The following PTPRR variants were observed in gnomAD, a reference collection of about 807,000 sequenced individuals.
The protein encoded by PTPRR is protein tyrosine phosphatase receptor type R.
A neutral mutation model predicts 77.2 loss-of-function variants in PTPRR; 38 were observed. The observed-to-expected ratio is 0.49, with a 90% confidence interval of 0.38 to 0.65. The LOEUF (loss-of-function observed/expected upper bound fraction) is 0.65. Ranked by LOEUF, PTPRR falls within the 30% of genes least tolerant of loss-of-function variation. The probability of loss-of-function intolerance (pLI) is 0.00; values close to 1 mark genes in which losing one functional copy is unlikely to be tolerated. For missense variants in PTPRR, 744 were observed against 799.2 expected, an observed-to-expected ratio of 0.93 and a Z score of 0.83; for synonymous variants, 299 against 283.1, an observed-to-expected ratio of 1.06 and a Z score of -0.57.
At chr12:70,877,103 G>A (rs924848193) in intron 2 of PTPRR, among the ~76,000 whole-genome samples, 1 of 152,182 alleles carries the variant, frequency 6.6e-6, no homozygotes, top group Non-Finnish European at 1.5e-5. Context: ...TGACGTGCCA[G>A]TTGGCTCAAC....
intron 1 of PTPRR, among the ~76,000 whole-genome samples, chr12:70,916,893 T>G (rs1013433170): frequency 2.0e-4 from 30 of 152,184 alleles, no homozygotes; most frequent in African/African-American, 7.2e-4. Flanking sequence ...ACACAGAAAT[T>G]TGAAAGAACC....
intron 10 of PTPRR, among the ~76,000 whole-genome samples, chr12:70,676,847 T>C (rs1887466682): frequency 6.9e-6 from 1 of 144,558 alleles, no homozygotes; most frequent in African/African-American, 2.7e-5. Context: ...TCAGGTAGTA[T>C]GATGCCTCCA....
intron 2 of PTPRR, among the ~76,000 whole-genome samples, chr12:70,825,844 T>C (rs772064372): frequency 3.3e-5 from 5 of 152,198 alleles, no homozygotes; most frequent in Non-Finnish European, 7.4e-5. Flanking sequence ...AAGCAATGGA[T>C]ATAAAATAAC....
chr12:70,920,209 T>C, intron 1 of PTPRR, 124 bp downstream of exon 1: 1 of 1,016,070 alleles, frequency 9.8e-7, no homozygotes. Context: ...CCCTGTCAGG[T>C]ACTGTCCTGT....
intron 2 of PTPRR, among the ~76,000 whole-genome samples, chr12:70,792,533 T>C (rs918460457): frequency 2.0e-5 from 3 of 152,170 alleles, no homozygotes; most frequent in African/African-American, 7.2e-5. Context: ...ATTTCAAACT[T>C]ATATCTTGCA....
intron 8 of PTPRR, among the ~76,000 whole-genome samples, chr12:70,689,903 G>A (rs539538666): frequency 1.3e-5 from 2 of 152,184 alleles, no homozygotes; most frequent in African/African-American, 4.8e-5. Context: ...CTGAGAACTT[G>A]GTAGGATGCA....
intron 2 of PTPRR, among the ~76,000 whole-genome samples, chr12:70,810,123 C>T (rs1891783658): frequency 6.6e-6 from 1 of 152,190 alleles, no homozygotes; most frequent in Non-Finnish European, 1.5e-5. Flanking sequence ...CTCATTTGGA[C>T]TATTCCCTTA....
chr12:70,838,089 T>C (rs1021182875), intron 2 of PTPRR, among the ~76,000 whole-genome samples: 2 of 152,182 alleles, frequency 1.3e-5, no homozygotes, highest in Non-Finnish European at 2.9e-5. Flanking sequence ...GAGAGAGCTA[T>C]TGACCTGAAA....
chr12:70,877,174 G>C (rs1027039752), intron 2 of PTPRR, among the ~76,000 whole-genome samples: 2 of 152,158 alleles, frequency 1.3e-5, no homozygotes, highest in South Asian at 2.1e-4. Context: ...GTAGGGCTTC[G>C]GTCAGGCCAG....
intron 10 of PTPRR, among the ~76,000 whole-genome samples, chr12:70,666,026 A>G (rs1374767431): frequency 6.6e-6 from 1 of 152,174 alleles, no homozygotes; most frequent in Non-Finnish European, 1.5e-5. Flanking sequence ...CTCCGATGGA[A>G]TATTACTGAC....
At chr12:70,888,241 A>G (rs1300833253) in intron 2 of PTPRR, among the ~76,000 whole-genome samples, 1 of 152,182 alleles carries the variant, frequency 6.6e-6, no homozygotes, top group African/African-American at 2.4e-5. Flanking sequence ...AGTTCTTAGC[A>G]TACTATCAAT....
At position 70,864,089 on chromosome 12, in the gene PTPRR, G is replaced by C. The variant is rs1892800067; in HGVS notation, c.357+28590C>G. 2.6e-5 allele frequency among the ~76,000 whole-genome samples: 4 copies of C among 152,296 alleles called. 1 individual carries two copies. The highest frequency in any genetic ancestry group is 5.9e-5 in the Non-Finnish European group (4 of 68,022). On this transcript the variant is annotated intron_variant, in intron 2 of 13. Transcript: ENST00000283228. The stretch of plus-strand genomic sequence containing the variant: ...AAGACAGCCAAGACTCACGTATATT[G>C]TATCTGGAAGCTGCAAAATCAGAAA...
chr12:70,657,616 A>C (rs1426331661), intron 12 of PTPRR, among the ~76,000 whole-genome samples: 3 of 152,206 alleles, frequency 2.0e-5, no homozygotes, highest in African/African-American at 7.2e-5. Flanking sequence ...CTAGATTGTC[A>C]TTCCATCTCC....
intron 6 of PTPRR, among the ~76,000 whole-genome samples, chr12:70,733,470 C>CAAAAAAAAAAAAAAAAAAAAAAAAA (rs1193950231): frequency 2.7e-5 from 2 of 74,082 alleles, no homozygotes; most frequent in Non-Finnish European, 4.9e-5. Flanking sequence ...AAAATTATGG[C>CAAAAAAAAAAAAAAAAAAAAAAAAA]AAAAAAAAAA....
intron 2 of PTPRR, among the ~76,000 whole-genome samples, chr12:70,785,807 C>T (rs1185745463): frequency 1.3e-5 from 2 of 152,156 alleles, no homozygotes; most frequent in South Asian, 2.1e-4. Flanking sequence ...TAGATATTAT[C>T]CTGGGTACAG....
chr12:70,740,049 T>G (rs1238428676), intron 6 of PTPRR, among the ~76,000 whole-genome samples: 1 of 152,106 alleles, frequency 6.6e-6, no homozygotes, highest in African/African-American at 2.4e-5. Flanking sequence ...CAAATGGGGA[T>G]TTTTGCACAG....
At chr12:70,824,748 T>C (rs907755) in intron 2 of PTPRR, among the ~76,000 whole-genome samples, 5,837 of 152,166 alleles carry the variant, frequency 0.038, 369 homozygotes, top group African/African-American at 0.13. Flanking sequence ...ATGGGGTTGG[T>C]GGGGGCGGAG....
chr12:70,897,196 C>T (rs1036481638), intron 1 of PTPRR, among the ~76,000 whole-genome samples: 9 of 151,634 alleles, frequency 5.9e-5, no homozygotes, highest in South Asian at 2.1e-4. Context: ...CAAAAGAAAC[C>T]ACCATCAGAG....
intron 2 of PTPRR, among the ~76,000 whole-genome samples, chr12:70,883,698 A>G (rs543512398): frequency 6.6e-6 from 1 of 152,240 alleles, no homozygotes; most frequent in South Asian, 2.1e-4. Context: ...TTTATTTCAC[A>G]TGTCTTAATA....
Sources: gnomAD v4.1 joint callset for allele counts (sites outside exome capture counted in the v4.1 genomes callset) on GRCh38, gnomAD v4.1.1 for gene constraint, MANE v1.5 for transcripts, NCBI Gene and HGNC (gene_info 2026-07-23, HGNC 2026-07-21) for gene names.